The following SERINC5 variants were observed in gnomAD, a reference collection of about 807,000 sequenced individuals.
The protein encoded by SERINC5 is chromosome 5 open reading frame 12.
In SERINC5, 41 loss-of-function variants were observed where a neutral mutation model predicts 63.1. That is an observed-to-expected ratio of 0.65 (90% CI 0.51 to 0.84). The LOEUF is 0.84. Among genes scored for constraint, SERINC5 ranks in the 40% least tolerant of loss-of-function variants. The pLI is 0.00. For synonymous variants in SERINC5, 222 were observed against 215.2 expected (o/e 1.03, Z -0.28); for missense variants, 523 against 573.0 (o/e 0.91, Z 0.89).
chr5:80,123,602 T>C (rs77517502), intron 11 of SERINC5, among the ~76,000 whole-genome samples: 2,001 of 152,256 alleles, frequency 0.013, 29 homozygotes, highest in African/African-American at 0.045. Flanking sequence ...CTGCAGCTCT[T>C]TGAACAGAGA....
intron 1 of SERINC5, among the ~76,000 whole-genome samples, chr5:80,226,734 T>C (rs1342998573): frequency 2.0e-5 from 3 of 152,210 alleles, no homozygotes; most frequent in Non-Finnish European, 4.4e-5. Flanking sequence ...ATAATAATTT[T>C]TTTAAATAAT....
intron 1 of SERINC5, among the ~76,000 whole-genome samples, chr5:80,229,412 T>C (rs1751341927): frequency 7.2e-6 from 1 of 139,284 alleles, no homozygotes; most frequent in East Asian, 2.1e-4. Context: ...AAAAACAAAA[T>C]AGTTTTGCAA....
Position 80,143,091 on chromosome 5 carries a change from C to T in SERINC5, c.*572G>A. 6.1e-6 allele frequency: 6 copies of T among 985,312 alleles called. No individual in the cohort carries two copies. Among genetic ancestry groups the T allele is most frequent in the Non-Finnish European group, 7.2e-6 (6 of 829,930 alleles). The allele number at this position is 985,312 out of a possible 1,614,324, so 61.0% of individuals were successfully genotyped here. Reference sequence around the variant, plus strand: ...CCAGCATCACAACCTCAAAGGGAAACGTTTAGGGGCCGTGAAGAGGCAGCA... The same window carrying T: ...CCAGCATCACAACCTCAAAGGGAAATGTTTAGGGGCCGTGAAGAGGCAGCA... On this transcript the variant is annotated 3_prime_UTR_variant, in exon 12 of 12. Coordinates refer to ENST00000507668, the MANE Select transcript of SERINC5 (RefSeq NM_001174072.3).
At chr5:80,189,917 C>T (rs1376783336) in intron 2 of SERINC5, among the ~76,000 whole-genome samples, 1 of 152,058 alleles carries the variant, frequency 6.6e-6, no homozygotes, top group Non-Finnish European at 1.5e-5. Flanking sequence ...AACTATGTTG[C>T]ACAGGCTGGT....
intron 2 of SERINC5, chr5:80,198,662 C>A (rs111632480): frequency 5.1e-6 from 5 of 985,256 alleles, no homozygotes; most frequent in South Asian, 4.7e-5. Flanking sequence ...GCCCAGTGTG[C>A]GTCCCTACAA....
rs73128048 is a variant in SERINC5, at chr5:80,162,185, T to C, written c.860-3223A>G. 4.4e-3 allele frequency among the ~76,000 whole-genome samples: 664 copies of C among 151,922 alleles called. 2 individuals carry two copies. Among genetic ancestry groups the C allele is most frequent in the African/African-American group, 0.015 (639 of 41,426 alleles). On this transcript the variant is annotated intron_variant, in intron 7 of 11. Coordinates refer to ENST00000507668, the MANE Select transcript of SERINC5 (RefSeq NM_001174072.3). ...CAAGTTTTGTTCTTTTTGCTTAGGA[T>C]TGCTTTAGCTATTCTGGCTCTGTTG...
intron 11 of SERINC5, among the ~76,000 whole-genome samples, chr5:80,132,836 A>C (rs1745000861): frequency 2.6e-5 from 4 of 152,296 alleles, no homozygotes; most frequent in Non-Finnish European, 4.4e-5. Context: ...CCAGAACATG[A>C]AATACTACTG....
At chr5:80,162,890 G>A (rs1487623613) in intron 7 of SERINC5, among the ~76,000 whole-genome samples, 1 of 151,650 alleles carries the variant, frequency 6.6e-6, no homozygotes, top group Non-Finnish European at 1.5e-5. Flanking sequence ...CCAGGCTGGG[G>A]TGCAGGGGTG....
rs1312769631 is a variant in SERINC5, at chr5:80,143,816, G to A, written c.1239-6C>T. On this transcript the variant is annotated splice_region_variant and splice_polypyrimidine_tract_variant and intron_variant, in intron 11 of 11. Coordinates refer to ENST00000507668, the MANE Select transcript of SERINC5 (RefSeq NM_001174072.3). ...CGATGTTGGCACTTTCGTAGCTGTG[G>A]AAACAAGACACCTAGCCGCGGTCAA... 2 of 1,535,888 alleles carry A rather than the reference G, an allele frequency of 1.3e-6. No individual in the cohort carries two copies. The highest frequency in any genetic ancestry group is 2.0e-5 in the Admixed American group (1 of 50,968).
intron 8 of SERINC5, 111 bp downstream of exon 8, chr5:80,158,725 T>C (rs1298940188): frequency 2.9e-6 from 3 of 1,020,040 alleles, no homozygotes; most frequent in Non-Finnish European, 2.8e-6. Context: ...TGTGGTTATT[T>C]TCCCCCCTCC....
chr5:80,233,215 C>T (rs977723297), intron 1 of SERINC5, among the ~76,000 whole-genome samples: 9 of 152,174 alleles, frequency 5.9e-5, no homozygotes, highest in South Asian at 2.1e-4. Flanking sequence ...CATCTGAGGT[C>T]GAGAGTTCGA....
chr5:80,115,388 C>T (rs774796996), intron 11 of SERINC5, among the ~76,000 whole-genome samples: 26 of 152,004 alleles, frequency 1.7e-4, no homozygotes, highest in Admixed American at 1.3e-4. Flanking sequence ...CTCTAATATT[C>T]CTCATTTACT....
chr5:80,150,848 G>A (rs539845340), intron 9 of SERINC5, 34 bp downstream of exon 9: 4 of 1,474,032 alleles, frequency 2.7e-6, no homozygotes, highest in South Asian at 1.1e-5. Flanking sequence ...GATCTTCTGA[G>A]ATGAAGCAGG....
intron 2 of SERINC5, among the ~76,000 whole-genome samples, chr5:80,181,499 G>A (rs1222528026): frequency 6.6e-6 from 1 of 151,072 alleles, no homozygotes; most frequent in Admixed American, 6.7e-5. Context: ...CTAGACTCAA[G>A]CAATCCACCT....
chr5:80,158,712 A>G (rs1746690725), intron 8 of SERINC5, 124 bp downstream of exon 8: 2 of 888,736 alleles, frequency 2.3e-6, no homozygotes. Flanking sequence ...TCGCCTTTTT[A>G]CTTGTGGTTA....
intron 1 of SERINC5, among the ~76,000 whole-genome samples, chr5:80,232,643 G>A (rs1751501211): frequency 6.6e-6 from 1 of 152,008 alleles, no homozygotes; most frequent in Non-Finnish European, 1.5e-5. Context: ...AATTAGCTGG[G>A]CATAGTGGCA....
At chr5:80,117,789 T>C (rs1447181779) in intron 11 of SERINC5, among the ~76,000 whole-genome samples, 1 of 151,972 alleles carries the variant, frequency 6.6e-6, no homozygotes, top group East Asian at 1.9e-4. Context: ...TATTACTTAC[T>C]TCTTCCAGCT....
chr5:80,115,933 G>C (rs528340692), intron 11 of SERINC5, among the ~76,000 whole-genome samples: 6 of 152,020 alleles, frequency 3.9e-5, no homozygotes, highest in Non-Finnish European at 8.8e-5. Flanking sequence ...GGAAAGCCTT[G>C]ATAAGGAGTC....
chr5:80,140,561 C>T lies in SERINC5; in HGVS notation c.*3102G>A, dbSNP rs926294515. ...TTTCTTTTTCAGACAAAATGAAGAA[C>T]CTTTTTGCCCAAGAAACTGTGGGCA... On this transcript the variant is annotated 3_prime_UTR_variant, in exon 12 of 12. Coordinates refer to ENST00000507668, the MANE Select transcript of SERINC5 (RefSeq NM_001174072.3). 2.0e-6 allele frequency: 2 copies of T among 977,298 alleles called. No individual in the cohort carries two copies. Among genetic ancestry groups the T allele is most frequent in the African/African-American group, 3.7e-5 (2 of 54,598 alleles). The allele number at this position is 977,298 out of a possible 1,614,324, so 60.5% of individuals were successfully genotyped here.
Sources: allele counts gnomAD v4.1 joint callset (sites outside exome capture counted in the v4.1 genomes callset), GRCh38; gene constraint gnomAD v4.1.1; transcripts MANE v1.5; gene names NCBI Gene and HGNC (gene_info 2026-07-23, HGNC 2026-07-21).